The following SACS variants were observed in gnomAD, a reference collection of about 807,000 sequenced individuals.
SACS encodes sacsin.
Under a neutral mutation model 348.0 loss-of-function variants are expected in SACS, and 197 were observed. The ratio of observed to expected loss-of-function variants is 0.57; its 90% confidence interval spans 0.50 to 0.64. The LOEUF is 0.64. Ranked by LOEUF, SACS falls within the 30% of genes least tolerant of loss-of-function variation. The probability of loss-of-function intolerance (pLI) is 0.00; values close to 1 mark genes in which losing one functional copy is unlikely to be tolerated. For missense variants in SACS, 4,999 were observed against 5,360.8 expected (o/e 0.93, Z 2.11); for synonymous variants, 1,985 against 1,910.6 (o/e 1.04, Z -1.02).
rs1214399996 is a variant in SACS, at chr13:23,337,703, G to GA, written c.6172dup (p.Ser2058PhefsTer2). 6 of 1,612,772 alleles carry GA rather than the reference G, an allele frequency of 3.7e-6. No homozygotes were observed. Among genetic ancestry groups the GA allele is most frequent in the Non-Finnish European group, 4.2e-6 (5 of 1,179,664 alleles). ...TTGAATATTTGGAAAAAACACTTCAGAAAAAAACTGTTTCTCTGAAAATGT... is the reference window on the plus strand; with the variant it reads ...TTGAATATTTGGAAAAAACACTTCAGAAAAAAAACTGTTTCTCTGAAAATGT... On this transcript the variant is annotated frameshift_variant, in exon 10 of 10. Coordinates refer to ENST00000382292, the MANE Select transcript of SACS (RefSeq NM_014363.6). LOFTEE classifies it high-confidence loss of function.
At chr13:23,352,758 C>G (rs9552934) in intron 9 of SACS, among the ~76,000 whole-genome samples, 2 of 152,064 alleles carry the variant, frequency 1.3e-5, no homozygotes, top group Non-Finnish European at 2.9e-5. Context: ...ATGAGTAACT[C>G]AGACGTTTGA....
intron 1 of SACS, among the ~76,000 whole-genome samples, chr13:23,426,160 G>T (rs903159831): frequency 3.3e-5 from 5 of 152,168 alleles, no homozygotes; most frequent in African/African-American, 1.2e-4. Context: ...CCTGACACAA[G>T]TATAGGACTT....
At chr13:23,424,723 A>G (rs890867717) in intron 1 of SACS, among the ~76,000 whole-genome samples, 1 of 152,180 alleles carries the variant, frequency 6.6e-6, no homozygotes, top group African/African-American at 2.4e-5. Context: ...TTCAGGGGCT[A>G]TCAGGCCTAT....
chr13:23,412,744 TA>T (rs1395241991), intron 1 of SACS, among the ~76,000 whole-genome samples: 2 of 152,066 alleles, frequency 1.3e-5, no homozygotes, highest in African/African-American at 4.8e-5. Flanking sequence ...TGTACAATAA[TA>T]ACTCATGTTT....
At chr13:23,379,688 A>C (rs1829604351) in intron 2 of SACS, among the ~76,000 whole-genome samples, 1 of 152,200 alleles carries the variant, frequency 6.6e-6, no homozygotes, top group Non-Finnish European at 1.5e-5. Context: ...GGGAAATTGA[A>C]GATAATGGGA....
intron 4 of SACS, among the ~76,000 whole-genome samples, chr13:23,370,277 G>C (rs1242051115): frequency 6.6e-6 from 1 of 152,174 alleles, no homozygotes; most frequent in Admixed American, 6.5e-5. Context: ...CTTTAAAACA[G>C]CTTTATTGAG....
At chr13:23,430,951 G>A (rs1342702863) in intron 1 of SACS, among the ~76,000 whole-genome samples, 2 of 152,194 alleles carry the variant, frequency 1.3e-5, no homozygotes, top group Non-Finnish European at 2.9e-5. Flanking sequence ...TAGGAACAGA[G>A]CTCAGAGTTC....
In SACS at chr13:23,331,010, G is replaced by A. The variant is rs749143154; in HGVS notation, c.12866C>T (p.Ser4289Phe). The A allele has an allele frequency of 6.2e-7, 1 of 1,614,118 alleles. No individual in the cohort carries two copies. The highest frequency in any genetic ancestry group is 8.5e-7 in the Non-Finnish European group (1 of 1,179,992). The change falls in exon 10 of 10, where the codon TCT (serine) becomes TTT (phenylalanine). Residue 4289 changes from serine (S) to phenylalanine (F), a missense_variant. By Grantham distance (155) the Ser-to-Phe change is radical (BLOSUM62 -2). Around this residue, in one of 6 missense-constraint regions of SACS, gnomAD observed 831 missense variants for 941.8 expected, o/e 0.88. Coordinates refer to ENST00000382292, the MANE Select transcript of SACS (RefSeq NM_014363.6). Reference protein sequence around the residue: ...LFSGRESHKTSSKHQSPKKLK... With the variant: ...LFSGRESHKTFSKHQSPKKLK... The stretch of plus-strand genomic sequence containing the variant: ...CTTTTTGGGGGACTGATGTTTGGAA[G>A]AAGTCTTGTGGCTCTCTCTACCAGA...
At chr13:23,347,067 T>C (rs546378128) in intron 9 of SACS, among the ~76,000 whole-genome samples, 1 of 152,308 alleles carries the variant, frequency 6.6e-6, no homozygotes, top group South Asian at 2.1e-4. Context: ...GTCAGGAGTG[T>C]TGGTTCAGAA....
At chr13:23,367,069 C>T (rs1871107734) in intron 5 of SACS, among the ~76,000 whole-genome samples, 1 of 152,220 alleles carries the variant, frequency 6.6e-6, no homozygotes, top group Non-Finnish European at 1.5e-5. Context: ...CAGCAAGGAT[C>T]CCACTCGCTC....
intron 2 of SACS, among the ~76,000 whole-genome samples, chr13:23,401,867 G>A (rs1314367609): frequency 2.0e-5 from 3 of 152,126 alleles, no homozygotes; most frequent in Non-Finnish European, 4.4e-5. Context: ...TATTAACTTT[G>A]AGGCCACACT....
intron 2 of SACS, among the ~76,000 whole-genome samples, chr13:23,388,523 C>T (rs1370037620): frequency 6.8e-6 from 1 of 147,714 alleles, no homozygotes; most frequent in African/African-American, 2.5e-5. Flanking sequence ...ACACATACCA[C>T]AGGCTACTAC....
intron 4 of SACS, among the ~76,000 whole-genome samples, chr13:23,370,044 G>C (rs1356446579): frequency 2.0e-5 from 3 of 151,832 alleles, no homozygotes; most frequent in Non-Finnish European, 4.4e-5. Context: ...ATTTTTAGTA[G>C]AGACAGGGTT....
chr13:23,353,870 A>G lies in SACS; in HGVS notation c.2100T>C (p.Leu700=). The change falls in exon 9 of 10, where the codon CTT becomes CTC. Residue 700 remains leucine, a synonymous_variant. Coordinates refer to ENST00000382292, the MANE Select transcript of SACS (RefSeq NM_014363.6). ...TAAATCTTCCTTCAAGACTTGGGAA[A>G]AGGGACCTGAAAAGGGAAAGGAACA... ...YITSAEYPRS[L]FPSLEGRFIL... 6.3e-7 allele frequency: 1 copy of G among 1,577,568 alleles called. No individual in the cohort carries two copies. The highest frequency in any genetic ancestry group is 8.7e-7 in the Non-Finnish European group (1 of 1,146,824).
At chr13:23,382,847 T>TAGA (rs1301309144) in intron 2 of SACS, among the ~76,000 whole-genome samples, 1 of 150,560 alleles carries the variant, frequency 6.6e-6, no homozygotes, top group Non-Finnish European at 1.5e-5. Flanking sequence ...AGTAGTGTGA[T>TAGA]CATGGCTCAC....
intron 1 of SACS, among the ~76,000 whole-genome samples, chr13:23,417,162 G>A (rs917032317): frequency 1.3e-5 from 2 of 152,144 alleles, no homozygotes; most frequent in African/African-American, 4.8e-5. Context: ...ATTTTAAGAA[G>A]AAAATCTATG....
At chr13:23,375,391 G>A in intron 2 of SACS, 122 bp from the exon 3 acceptor site, 1 of 1,239,080 alleles carries the variant, frequency 8.1e-7, no homozygotes, top group Non-Finnish European at 1.0e-6. Flanking sequence ...CCTAGCGCCC[G>A]CCCCTGACGC....
chr13:23,330,594 A>C lies in SACS; in HGVS notation c.13282T>G (p.Tyr4428Asp), dbSNP rs886050071. ...GGAGGAACAAAGAACCTTTGAGAGT[A>C]AGTCTGTCCGGCTGAAGGGGGGCAT... ...EKCPPSAGQT[Y>D]SQRFFVPPTF... Residue 4428 changes from tyrosine to aspartate, a missense_variant, in exon 10 of 10, where the codon TAC becomes GAC. Around this residue, in one of 6 missense-constraint regions of SACS, gnomAD observed 254 missense variants for 275.1 expected, o/e 0.92. Coordinates refer to ENST00000382292, the MANE Select transcript of SACS (RefSeq NM_014363.6). 3 of 1,613,982 alleles carry C rather than the reference A, an allele frequency of 1.9e-6. No homozygotes were observed. In the Admixed American group the frequency reaches 5.0e-5, roughly 27 times the overall value.
intron 4 of SACS, among the ~76,000 whole-genome samples, chr13:23,368,845 C>T (rs770348539): frequency 2.2e-4 from 33 of 152,090 alleles, no homozygotes; most frequent in Non-Finnish European, 4.6e-4. Context: ...ACTACAGGTG[C>T]CCACCACCAT....
Sources: gnomAD v4.1 joint callset for allele counts (sites outside exome capture counted in the v4.1 genomes callset) on GRCh38, gnomAD v4.1.1 for gene constraint, gnomAD v4.1.1 regional missense constraint, MANE v1.5 for transcripts, NCBI Gene and HGNC (gene_info 2026-07-23, HGNC 2026-07-21) for gene names.